HDAC9: variants seen among roughly 807,000 people sequenced by gnomAD.
HDAC9 encodes histone deacetylase 9.
In HDAC9, 41 loss-of-function variants were observed where a neutral mutation model predicts 139.4. The observed-to-expected ratio is 0.29, with a 90% CI of 0.23 to 0.38. The LOEUF (loss-of-function observed/expected upper bound fraction) is 0.38, where lower values mean the gene tolerates loss of function less well. HDAC9 is among the 10% of genes least tolerant of loss of function. The pLI is 1.00. For missense variants in HDAC9, 1,147 were observed against 1,297.0 expected (o/e 0.88, Z 1.78); for synonymous variants, 517 against 476.2 (o/e 1.09, Z -1.12).
At chr7:18,132,284 A>G (rs180930626) in intron 1 of HDAC9, among the ~76,000 whole-genome samples, 1 of 152,218 alleles carries the variant, frequency 6.6e-6, no homozygotes, top group Admixed American at 6.5e-5. Context: ...ATGGAACTAC[A>G]TTCAAGGTGT....
chr7:18,183,213 G>A (rs1236761022), intron 2 of HDAC9, among the ~76,000 whole-genome samples: 5 of 152,030 alleles, frequency 3.3e-5, no homozygotes, highest in South Asian at 2.1e-4. Context: ...GTTTCACCGT[G>A]TTAGCCAGGA....
upstream of HDAC9, among the ~76,000 whole-genome samples, chr7:18,493,683 C>G (rs1272830286): frequency 1.3e-5 from 2 of 151,382 alleles, no homozygotes; most frequent in Admixed American, 1.3e-4. Flanking sequence ...ATAGGTGTAT[C>G]AAATCATCAA....
At chr7:18,094,924 A>G (rs553416391) in intron 1 of HDAC9, among the ~76,000 whole-genome samples, 45 of 152,296 alleles carry the variant, frequency 3.0e-4, no homozygotes, top group African/African-American at 1.1e-3. Flanking sequence ...AGAGAGAGAA[A>G]TAAGTACATT....
intron 2 of HDAC9, among the ~76,000 whole-genome samples, chr7:18,217,058 C>G (rs1792369119): frequency 6.6e-6 from 1 of 151,938 alleles, no homozygotes; most frequent in South Asian, 2.1e-4. Flanking sequence ...TTAAAAGAAT[C>G]CACGCAAAAA....
At chr7:18,360,681 A>G (rs959675575) in intron 1 of HDAC9, among the ~76,000 whole-genome samples, 1 of 152,192 alleles carries the variant, frequency 6.6e-6, no homozygotes, top group Non-Finnish European at 1.5e-5. Context: ...TTTAGTTACT[A>G]CAGCACTCTT....
chr7:18,988,271 C>A (rs952156081), intron 25 of HDAC9, among the ~76,000 whole-genome samples: 1 of 151,848 alleles, frequency 6.6e-6, no homozygotes, highest in African/African-American at 2.4e-5. Context: ...TGTCTTTGTT[C>A]TCGTTGGTTT....
chr7:18,391,107 A>G (rs1333674327), intron 1 of HDAC9, among the ~76,000 whole-genome samples: 3 of 152,156 alleles, frequency 2.0e-5, no homozygotes, highest in Admixed American at 6.5e-5. Flanking sequence ...AAGTTCAGCC[A>G]GGCGCGGTGG....
At chr7:18,523,160 C>G (rs548049071) in intron 2 of HDAC9, among the ~76,000 whole-genome samples, 2 of 152,158 alleles carry the variant, frequency 1.3e-5, no homozygotes, top group East Asian at 1.9e-4. Context: ...AGGCAGGAGA[C>G]AGATGATTAA....
At chr7:18,945,005 G>A (rs1342144035) in intron 23 of HDAC9, among the ~76,000 whole-genome samples, 1 of 152,070 alleles carries the variant, frequency 6.6e-6, no homozygotes, top group Non-Finnish European at 1.5e-5. Context: ...ATGTTGTGAT[G>A]GACATTTTAT....
intron 15 of HDAC9, among the ~76,000 whole-genome samples, chr7:18,762,526 A>T (rs1471542758): frequency 6.6e-6 from 1 of 152,230 alleles, no homozygotes; most frequent in Non-Finnish European, 1.5e-5. Flanking sequence ...TAACATTTGT[A>T]CAATGTGTTT....
At chr7:18,734,649 G>T (rs1786719008) in intron 13 of HDAC9, among the ~76,000 whole-genome samples, 1 of 152,158 alleles carries the variant, frequency 6.6e-6, no homozygotes, top group African/African-American at 2.4e-5. Context: ...ATGGACATTT[G>T]AGTCGATTCC....
chr7:18,608,700 T>C (rs997639440), intron 6 of HDAC9, among the ~76,000 whole-genome samples: 55 of 152,202 alleles, frequency 3.6e-4, no homozygotes, highest in Admixed American at 3.6e-3. Context: ...ATATAATGCT[T>C]GTAACATCTT....
intron 2 of HDAC9, among the ~76,000 whole-genome samples, chr7:18,172,252 A>C (rs950712306): frequency 1.3e-5 from 2 of 152,098 alleles, no homozygotes; most frequent in East Asian, 3.8e-4. Flanking sequence ...ATAGTATTCT[A>C]TTCTCTGATG....
chr7:18,880,848 G>GC (rs970257593), intron 22 of HDAC9, among the ~76,000 whole-genome samples: 4 of 150,748 alleles, frequency 2.7e-5, no homozygotes, highest in African/African-American at 9.8e-5. Context: ...GTTGCCGGGG[G>GC]GGGGGGAACC....
chr7:18,809,443 A>G (rs954622270), intron 17 of HDAC9, among the ~76,000 whole-genome samples: 3 of 152,078 alleles, frequency 2.0e-5, no homozygotes, highest in Non-Finnish European at 2.9e-5. Flanking sequence ...TATATATGAT[A>G]AGAGGTTAAT....
intron 1 of HDAC9, among the ~76,000 whole-genome samples, chr7:18,467,233 G>C (rs907605949): frequency 3.3e-5 from 5 of 152,130 alleles, no homozygotes; most frequent in African/African-American, 1.2e-4. Flanking sequence ...TTCCCAGTCA[G>C]TTATACAGAC....
chr7:18,363,335 T>C (rs1783927667), intron 1 of HDAC9, among the ~76,000 whole-genome samples: 1 of 152,124 alleles, frequency 6.6e-6, no homozygotes, highest in South Asian at 2.1e-4. Flanking sequence ...TGAGGATTAA[T>C]GGACAGGGAT....
At chr7:18,280,051 C>T (rs1227421740) in intron 2 of HDAC9, among the ~76,000 whole-genome samples, 1 of 151,966 alleles carries the variant, frequency 6.6e-6, no homozygotes, top group Non-Finnish European at 1.5e-5. Flanking sequence ...ATCCATTTAG[C>T]AAATATTTAA....
At chr7:18,827,356 A>C (rs572870890) in intron 17 of HDAC9, among the ~76,000 whole-genome samples, 2 of 152,100 alleles carry the variant, frequency 1.3e-5, no homozygotes, top group Admixed American at 6.6e-5. Context: ...TTAAGGCAGA[A>C]ATTTTTTAAC....
Sources: gnomAD v4.1 joint callset for allele counts (sites outside exome capture counted in the v4.1 genomes callset) on GRCh38, gnomAD v4.1.1 for gene constraint, MANE v1.5 for transcripts, NCBI Gene and HGNC (gene_info 2026-07-23, HGNC 2026-07-21) for gene names.